Variants in COL5A2 observed in about 807,000 individuals in gnomAD.
COL5A2 encodes the protein collagen alpha-2(V) chain.
A neutral mutation model predicts 208.2 loss-of-function variants in COL5A2; 23 were observed. That is an observed-to-expected ratio of 0.11 (90% confidence interval 0.08 to 0.16). The LOEUF (loss-of-function observed/expected upper bound fraction) is 0.16, where lower values mean the gene tolerates loss of function less well. Among genes scored for constraint, COL5A2 ranks in the 10% least tolerant of loss-of-function variants. The pLI is 1.00. For missense variants in COL5A2, 1,590 were observed against 1,956.4 expected (o/e 0.81, Z 3.53); for synonymous variants, 625 against 628.5 (o/e 0.99, Z 0.08).
chr2:189,051,277 T>C (rs1287418155), intron 42 of COL5A2, 43 bp downstream of exon 42: 3 of 1,612,774 alleles, frequency 1.9e-6, no homozygotes, highest in South Asian at 2.2e-5. Context: ...TATTTGTAAA[T>C]ATCTCAGTTG....
chr2:189,334,290 A>T, the COL5A2 span, among the ~76,000 whole-genome samples: 1 of 152,154 alleles, frequency 6.6e-6, no homozygotes, highest in South Asian at 2.1e-4. Context: ...TAGCCAAAAT[A>T]TTGGAAAGAA....
At chr2:189,171,364 A>G (rs1436906447) in intron 1 of COL5A2, among the ~76,000 whole-genome samples, 2 of 152,146 alleles carry the variant, frequency 1.3e-5, no homozygotes, top group Non-Finnish European at 2.9e-5. Context: ...AGGCACCAAT[A>G]TATGTGTTTG....
chr2:189,120,090 T>C (rs1687470537), intron 1 of COL5A2, among the ~76,000 whole-genome samples: 1 of 152,168 alleles, frequency 6.6e-6, no homozygotes, highest in Non-Finnish European at 1.5e-5. Flanking sequence ...TCGATAGTTA[T>C]TTATCTAGCA....
At chr2:189,377,553 T>C in the COL5A2 span, among the ~76,000 whole-genome samples, 1 of 152,242 alleles carries the variant, frequency 6.6e-6, no homozygotes, top group Non-Finnish European at 1.5e-5. Context: ...GAATAAATGT[T>C]TGAATAAATC....
At chr2:189,261,216 C>A in the COL5A2 span, among the ~76,000 whole-genome samples, 1 of 152,044 alleles carries the variant, frequency 6.6e-6, no homozygotes, top group Admixed American at 6.6e-5. Flanking sequence ...GTATTAAGAA[C>A]AATTAATACT....
the COL5A2 span, among the ~76,000 whole-genome samples, chr2:189,278,738 TC>T: frequency 9.9e-5 from 15 of 152,168 alleles, no homozygotes; most frequent in African/African-American, 3.6e-4. Flanking sequence ...TACTGATACT[TC>T]TTTTGTTCTC....
At chr2:189,148,395 G>GC (rs1688080822) in intron 1 of COL5A2, among the ~76,000 whole-genome samples, 1 of 152,024 alleles carries the variant, frequency 6.6e-6, no homozygotes, top group Non-Finnish European at 1.5e-5. Flanking sequence ...CAAGCAAAGG[G>GC]CAACCACAGA....
chr2:189,226,136 G>A (rs1689415739), upstream of COL5A2, among the ~76,000 whole-genome samples: 1 of 152,116 alleles, frequency 6.6e-6, no homozygotes, highest in Admixed American at 6.6e-5. Flanking sequence ...AATAGTATCT[G>A]TCATTATGTC....
At chr2:189,098,806 A>C in intron 4 of COL5A2, 47 bp from the exon 5 acceptor site, 1 of 1,414,160 alleles carries the variant, frequency 7.1e-7, no homozygotes, top group Non-Finnish European at 1.0e-6. Context: ...TTCTGCAGAT[A>C]TTCAGAGAGG....
intron 19 of COL5A2, 151 bp from the exon 20 acceptor site, chr2:189,068,421 A>C: frequency 5.6e-6 from 4 of 716,024 alleles, no homozygotes; most frequent in Non-Finnish European, 9.8e-6. Context: ...TACTTTTTTG[A>C]CTACTTCTCC....
At chr2:189,116,155 C>A (rs930106773) in intron 1 of COL5A2, among the ~76,000 whole-genome samples, 2 of 152,184 alleles carry the variant, frequency 1.3e-5, no homozygotes, top group African/African-American at 2.4e-5. Flanking sequence ...CCTTGAGGGA[C>A]TATAATCATG....
chr2:189,179,573 A>G lies in COL5A2; in HGVS notation c.32T>C (p.Leu11Pro). 6.2e-7 allele frequency: 1 copy of G among 1,609,660 alleles called. No individual in the cohort carries two copies. Among genetic ancestry groups the G allele is most frequent in the Non-Finnish European group, 8.5e-7 (1 of 1,177,532 alleles). MMANWAEARP[L>P]LILIVLLGQF... The stretch of plus-strand genomic sequence containing the variant: ...CCCTAATAAAACAATAAGAATGAGG[A>G]GAGGTCTTGCTTCCGCCCAGTTTGC... The change falls in exon 1 of 54, where the codon CTC becomes CCC. Residue 11 changes from leucine to proline, a missense_variant. Transcript: ENST00000374866.
At chr2:189,255,984 T>C in the COL5A2 span, among the ~76,000 whole-genome samples, 1 of 152,166 alleles carries the variant, frequency 6.6e-6, no homozygotes, top group African/African-American at 2.4e-5. Flanking sequence ...ACAAATAGCA[T>C]GGAACGGCCA....
chr2:189,332,629 C>G, the COL5A2 span, among the ~76,000 whole-genome samples: 1 of 152,156 alleles, frequency 6.6e-6, no homozygotes, highest in Non-Finnish European at 1.5e-5. Context: ...CTGCTGCCAT[C>G]CATGTAAGAT....
rs552394931 is a variant in COL5A2, at chr2:189,124,556, CAG to C, written c.98-14109_98-14108del. On this transcript the variant is annotated intron_variant, in intron 1 of 53. Coordinates refer to ENST00000374866, the MANE Select transcript of COL5A2 (RefSeq NM_000393.5). ...TGCTTGCTATTTCACTTAAACTAAA[CAG>C]GGGATGATAAAAAAGTCACTGAGGA... Among the ~76,000 whole-genome samples, 536 of 152,138 alleles carry C rather than the reference CAG, an allele frequency of 3.5e-3. 3 individuals are homozygous for C. The highest frequency in any genetic ancestry group is 0.012 in the African/African-American group (498 of 41,526).
chr2:189,332,782 A>G, the COL5A2 span, among the ~76,000 whole-genome samples: 1 of 152,208 alleles, frequency 6.6e-6, no homozygotes. Flanking sequence ...AAACTAATAC[A>G]GTAAATTCGT....
At chr2:189,048,171 A>G (rs375053240) in intron 45 of COL5A2, 38 bp downstream of exon 45, 90 of 1,590,152 alleles carry the variant, frequency 5.7e-5, no homozygotes, top group Admixed American at 3.5e-4. Context: ...TCAGATTTGC[A>G]TGACTTTAGA....
At chr2:189,178,675 GA>G in intron 1 of COL5A2, among the ~76,000 whole-genome samples, 1 of 118,594 alleles carries the variant, frequency 8.4e-6, no homozygotes, top group African/African-American at 3.4e-5. Context: ...AATTGCATAG[GA>G]AAAAAATGTG....
chr2:189,043,124 A>G lies in COL5A2; in HGVS notation c.3471+27T>C, dbSNP rs1685593763. 4 of 1,527,404 alleles carry G rather than the reference A, an allele frequency of 2.6e-6. No homozygotes were observed. In the East Asian group the frequency reaches 9.0e-5, roughly 34 times the overall value. 94.6% of individuals were successfully genotyped at this position (1,527,404 alleles called of 1,614,324 possible). A position where few individuals can be genotyped will look rare whatever the true frequency, so the allele number is the denominator to read the frequency against. ...ACCCGTGTATTTTCAACTACAGGGC[A>G]GAATAATACTTAAAGGAATAACTTA... On this transcript the variant is annotated intron_variant, in intron 48 of 53. Transcript: ENST00000374866.
Sources: gnomAD v4.1 joint callset for allele counts (sites outside exome capture counted in the v4.1 genomes callset) on GRCh38, gnomAD v4.1.1 for gene constraint, MANE v1.5 for transcripts, NCBI Gene and HGNC (gene_info 2026-07-23, HGNC 2026-07-21) for gene names.